The following ALPK3 variants were observed in gnomAD, a reference collection of about 807,000 sequenced individuals.
ALPK3 encodes alpha-protein kinase 3.
Under a neutral mutation model 140.0 loss-of-function variants are expected in ALPK3, and 102 were observed. The ratio of observed to expected loss-of-function variants is 0.73; its 90% CI spans 0.62 to 0.86. The LOEUF (loss-of-function observed/expected upper bound fraction) is 0.86. Ranked by LOEUF, ALPK3 falls within the 40% of genes least tolerant of loss-of-function variation. The pLI is 0.00. For synonymous variants in ALPK3, 938 were observed against 898.5 expected (o/e 1.04, Z -0.79); for missense variants, 2,254 against 2,208.2 (o/e 1.02, Z -0.42).
chr15:84,844,276 G>A lies in ALPK3; in HGVS notation c.1653+3344G>A, dbSNP rs1567090699. On this transcript the variant is annotated intron_variant, in intron 5 of 13. Transcript: ENST00000258888. Reference sequence around the variant, plus strand: ...ACAAAAATTAGCCAGGTGTGGTGGTGCATGCCTGTAATTTCAACTACTTGG... The same window carrying A: ...ACAAAAATTAGCCAGGTGTGGTGGTACATGCCTGTAATTTCAACTACTTGG... Among the ~76,000 whole-genome samples, 3 of 152,026 alleles carry A rather than the reference G, an allele frequency of 2.0e-5. 1 individual carries two copies. The South Asian group carries it at 6.3e-4, about 32-fold the overall frequency.
rs940171012 is a variant in ALPK3 at position 84,868,598 on chromosome 15, C to T, written c.*142C>T. The T allele has an allele frequency of 3.7e-6, 3 of 805,986 alleles. No individual in the cohort carries two copies. Among genetic ancestry groups the T allele is most frequent in the African/African-American group, 3.5e-5 (2 of 57,456 alleles). The allele number at this position is 805,986 out of a possible 1,614,324, so 49.9% of individuals were successfully genotyped here. A position where few individuals can be genotyped will look rare whatever the true frequency, so the allele number is the denominator to read the frequency against. ...ACTTGGGGACCTCTCTGAGCAGGCTCTCGTGAATCAGCTCGTCATCAGATG... is the reference window on the plus strand; with the variant it reads ...ACTTGGGGACCTCTCTGAGCAGGCTTTCGTGAATCAGCTCGTCATCAGATG... On this transcript the variant is annotated 3_prime_UTR_variant, in exon 14 of 14. Transcript: ENST00000258888.
chr15:84,867,514 G>C (rs1482240696), intron 13 of ALPK3, 149 bp downstream of exon 13: 1 of 867,078 alleles, frequency 1.2e-6, no homozygotes, highest in African/African-American at 1.7e-5. Context: ...ACATCCTAGG[G>C]GCTACTGGTC....
chr15:84,850,887 C>T (rs1567092245), intron 5 of ALPK3, among the ~76,000 whole-genome samples: 5 of 150,996 alleles, frequency 3.3e-5, no homozygotes, highest in South Asian at 4.2e-4. Context: ...TATACACACA[C>T]ACACACACAC....
intron 3 of ALPK3, among the ~76,000 whole-genome samples, chr15:84,833,222 T>C (rs778423986): frequency 3.9e-5 from 6 of 152,206 alleles, no homozygotes; most frequent in Non-Finnish European, 8.8e-5. Context: ...ATCTCTGATA[T>C]CCATACCTTA....
intron 5 of ALPK3, among the ~76,000 whole-genome samples, chr15:84,855,424 G>A (rs939142459): frequency 6.6e-6 from 1 of 152,076 alleles, no homozygotes; most frequent in Non-Finnish European, 1.5e-5. Flanking sequence ...GAGACTGTAG[G>A]TTTTATTTGC....
intron 12 of ALPK3, 33 bp downstream of exon 12, chr15:84,864,698 G>T: frequency 6.3e-7 from 1 of 1,597,364 alleles, no homozygotes; most frequent in Non-Finnish European, 8.6e-7. Context: ...GGGTACGCAT[G>T]TGCATGGATG....
Position 84,830,966 on chromosome 15 carries a change from G to A in ALPK3, c.304+3361G>A, listed in dbSNP as rs148067978. Among the ~76,000 whole-genome samples, 65 of 152,230 alleles carry A rather than the reference G, an allele frequency of 4.3e-4. 1 individual carries two copies. The East Asian group carries it at 0.01, about 23-fold the overall frequency. ...TGGGCTCAAGCAATCCTCCCACCTT[G>A]GCCTCCCAAAGTGCTGGGATTATAG... On this transcript the variant is annotated intron_variant, in intron 3 of 13. Transcript: ENST00000258888.
At chr15:84,852,492 C>G (rs1963816376) in intron 5 of ALPK3, 4 of 248,242 alleles carry the variant, frequency 1.6e-5, no homozygotes, top group East Asian at 1.1e-4. Flanking sequence ...TCATATAACA[C>G]CTATGTCTTA....
At chr15:84,831,639 G>T (rs1214824772) in intron 3 of ALPK3, among the ~76,000 whole-genome samples, 1 of 152,024 alleles carries the variant, frequency 6.6e-6, no homozygotes, top group Non-Finnish European at 1.5e-5. Context: ...CTTCTGTCTT[G>T]CTTTTTCTCT....
chr15:84,847,943 T>C (rs1032525847), intron 5 of ALPK3, among the ~76,000 whole-genome samples: 3 of 151,848 alleles, frequency 2.0e-5, no homozygotes, highest in African/African-American at 7.3e-5. Flanking sequence ...GCACCTGTAA[T>C]CCCAGCTACT....
At chr15:84,866,493 G>A (rs1011697888) in intron 12 of ALPK3, among the ~76,000 whole-genome samples, 4 of 152,216 alleles carry the variant, frequency 2.6e-5, no homozygotes, top group Non-Finnish European at 5.9e-5. Flanking sequence ...ATGGTACTCA[G>A]CCCTGTTAGT....
chr15:84,817,363 G>A lies in ALPK3; in HGVS notation c.-90G>A, dbSNP rs1441192383. On this transcript the variant is annotated 5_prime_UTR_variant, in exon 1 of 14. Coordinates refer to ENST00000258888, the MANE Select transcript of ALPK3 (RefSeq NM_020778.5). The stretch of plus-strand genomic sequence containing the variant: ...CGCGCGTCAGCCGCGGGCGGGAGCG[G>A]CGGCGGCGGGCAGGGGCCCGGGGGC... 1.7e-5 allele frequency: 21 copies of A among 1,229,022 alleles called. No homozygotes were observed. Among genetic ancestry groups the A allele is most frequent in the Non-Finnish European group, 2.0e-5 (20 of 987,574 alleles). 76.1% of individuals were successfully genotyped at this position (1,229,022 alleles called of 1,614,324 possible). A position where few individuals can be genotyped will look rare whatever the true frequency, so the allele number is the denominator to read the frequency against.
Position 84,840,691 on chromosome 15 carries a change from C to T in ALPK3, c.1412C>T (p.Thr471Ile), listed in dbSNP as rs143709902. Residue 471 changes from threonine to isoleucine, a missense_variant, in exon 5 of 14, where the codon ACC becomes ATC. Thr to Ile is a moderately conservative substitution (Grantham distance 89, BLOSUM62 -1). Coordinates refer to ENST00000258888, the MANE Select transcript of ALPK3 (RefSeq NM_020778.5). ...CCTGGCCAGCCCACACACTCCTTGA[C>T]CCCCCAGCCGACTAGGCCTTTCAAC... ...GAPGQPTHSLTPQPTRPFNRK... is the reference protein window; with the variant it reads ...GAPGQPTHSLIPQPTRPFNRK... 4.2e-5 allele frequency: 67 copies of T among 1,606,330 alleles called. No homozygotes were observed. In the African/African-American group the frequency reaches 6.6e-4, roughly 16 times the overall value.
chr15:84,844,594 C>T (rs769847366), intron 5 of ALPK3, among the ~76,000 whole-genome samples: 2 of 151,976 alleles, frequency 1.3e-5, no homozygotes, highest in East Asian at 1.9e-4. Context: ...CAGTGGTTCA[C>T]GCCTGTAATC....
rs547194162 is a variant in ALPK3 at position 84,857,482 on chromosome 15, G to A, written c.2744G>A (p.Gly915Glu). 2.5e-5 allele frequency: 40 copies of A among 1,607,360 alleles called. 2 individuals carry two copies. In the South Asian group the frequency reaches 4.4e-4, roughly 18 times the overall value. The change falls in exon 6 of 14, where the codon GGG becomes GAG. Residue 915 changes from glycine to glutamate, a missense_variant. This residue lies in a region of ALPK3 where 2,088 missense variants were observed against 2,022.9 expected (regional missense o/e 1.03). Coordinates refer to ENST00000258888, the MANE Select transcript of ALPK3 (RefSeq NM_020778.5). ...LMSSAPTLHLGLGTPTQSHPP... is the reference protein window; with the variant it reads ...LMSSAPTLHLELGTPTQSHPP... ...AGTTCTGCCCCAACACTGCACCTGG[G>A]GCTGGGGACCCCCACTCAGAGTCAC...
intron 3 of ALPK3, among the ~76,000 whole-genome samples, chr15:84,836,909 A>G (rs1352225167): frequency 1.3e-5 from 2 of 152,210 alleles, no homozygotes; most frequent in Admixed American, 6.5e-5. Context: ...TGAAGAGCTC[A>G]GGAAAAGTGG....
At chr15:84,852,531 G>T in intron 5 of ALPK3, 2 of 292,362 alleles carry the variant, frequency 6.8e-6, no homozygotes, top group South Asian at 3.5e-5. Flanking sequence ...TACCACCATC[G>T]AGTGCCATGG....
Position 84,827,598 on chromosome 15 carries a change from C to A in ALPK3, c.297C>A (p.Ile99=), listed in dbSNP as rs770674872. ...SEDSDVRFTC[I]VTGYPEPEVT... ...ACAGCGACGTCAGGTTCACCTGCAT[C>A]GTCACAGGTAAGGATGCTGTCTGTA... Residue 99 remains isoleucine, a synonymous_variant, in exon 3 of 14, where the codon ATC becomes ATA. Transcript: ENST00000258888. 6.3e-5 allele frequency: 101 copies of A among 1,613,906 alleles called. No homozygotes were observed. Among genetic ancestry groups the A allele is most frequent in the Non-Finnish European group, 7.9e-5 (93 of 1,180,026 alleles).
rs73437922 is a variant in ALPK3, at chr15:84,822,518, G to A, written c.144-812G>A. 6.7e-3 allele frequency among the ~76,000 whole-genome samples: 1,020 copies of A among 152,276 alleles called. 16 individuals are homozygous for A. Among genetic ancestry groups the A allele is most frequent in the African/African-American group, 0.024 (987 of 41,538 alleles). On this transcript the variant is annotated intron_variant, in intron 1 of 13. Transcript: ENST00000258888. ...GACAGCCGAAGGGAGTGTGGATGGG[G>A]TGACCTCTGACATCTCTCAAGGAGC...
Sources: gnomAD v4.1 joint callset for allele counts (sites outside exome capture counted in the v4.1 genomes callset) on GRCh38, gnomAD v4.1.1 for gene constraint, gnomAD v4.1.1 regional missense constraint, MANE v1.5 for transcripts, NCBI Gene and HGNC (gene_info 2026-07-23, HGNC 2026-07-21) for gene names.